ITCH: variants seen among roughly 807,000 people sequenced by gnomAD.
ITCH encodes the protein itchy E3 ubiquitin protein ligase.
ITCH carries 28 observed loss-of-function variants against 126.8 expected under a neutral mutation model. The ratio of observed to expected loss-of-function variants is 0.22; its 90% CI spans 0.16 to 0.30. ITCH has a LOEUF of 0.30. ITCH is among the 10% of genes least tolerant of loss of function. The pLI is 1.00. For synonymous variants in ITCH, 342 were observed against 340.0 expected (o/e 1.01, Z -0.06); for missense variants, 631 against 1,032.4 (o/e 0.61, Z 5.33).
chr20:34,462,355 A>G lies in ITCH; in HGVS notation c.1424+134A>G. On this transcript the variant is annotated intron_variant, in intron 14 of 24. Transcript: ENST00000374864. ...CTTGACAATAGGTTTCTGTTCATTA[A>G]GTATTTTGCATTTCCATCTCCCTCT... The G allele has an allele frequency of 4.4e-6, 4 of 899,324 alleles. No homozygotes were observed. In the South Asian group the frequency reaches 6.0e-5, roughly 13 times the overall value. 55.7% of individuals were successfully genotyped at this position (899,324 alleles called of 1,614,324 possible). A position where few individuals can be genotyped will look rare whatever the true frequency, so the allele number is the denominator to read the frequency against.
intron 24 of ITCH, among the ~76,000 whole-genome samples, chr20:34,505,957 G>A (rs1990595275): frequency 6.6e-6 from 1 of 152,068 alleles, no homozygotes; most frequent in Admixed American, 6.5e-5. Flanking sequence ...AAAATTAATT[G>A]TTGGGTTTAA....
At chr20:34,448,130 C>T (rs924573172) in intron 11 of ITCH, among the ~76,000 whole-genome samples, 21 of 152,182 alleles carry the variant, frequency 1.4e-4, no homozygotes, top group African/African-American at 4.8e-4. Context: ...TGGCTCACAC[C>T]TGTACTCCCA....
intron 7 of ITCH, among the ~76,000 whole-genome samples, chr20:34,430,126 A>G (rs768520378): frequency 9.9e-5 from 15 of 152,220 alleles, no homozygotes; most frequent in Non-Finnish European, 1.5e-4. Context: ...CAACATGTCT[A>G]TTCTTCCTTC....
intron 13 of ITCH, among the ~76,000 whole-genome samples, chr20:34,461,573 G>A (rs1003071246): frequency 2.6e-5 from 4 of 152,114 alleles, no homozygotes; most frequent in African/African-American, 9.7e-5. Flanking sequence ...GCTGGGCGTG[G>A]GCGTGGTGGC....
intron 12 of ITCH, among the ~76,000 whole-genome samples, chr20:34,457,160 CATTATAAAGTACGTCTACTTAGCTTCTA>C (rs775377637): frequency 2.0e-5 from 3 of 152,076 alleles, no homozygotes; most frequent in African/African-American, 4.8e-5. Context: ...ATGGTTAGGA[CATTATAAAGTACGTCTACTTAGCTTCTA>C]AGATGTAATA....
intron 3 of ITCH, among the ~76,000 whole-genome samples, chr20:34,399,275 C>G (rs930441373): frequency 6.6e-6 from 1 of 152,006 alleles, no homozygotes; most frequent in Non-Finnish European, 1.5e-5. Flanking sequence ...GCCTGTAATT[C>G]CAGCTACTCG....
chr20:34,428,832 T>A (rs763895490), intron 7 of ITCH, among the ~76,000 whole-genome samples: 8 of 152,374 alleles, frequency 5.3e-5, no homozygotes, highest in Middle Eastern at 3.4e-3. Flanking sequence ...TGAACTTATT[T>A]ATAGGTCAGA....
intron 2 of ITCH, among the ~76,000 whole-genome samples, chr20:34,369,974 G>A (rs572880824): frequency 2.8e-4 from 43 of 152,006 alleles, no homozygotes; most frequent in Admixed American, 1.2e-3. Context: ...GTGTGGTGGC[G>A]TGTACCTGTA....
At chr20:34,493,580 A>C (rs1208843451) in intron 23 of ITCH, among the ~76,000 whole-genome samples, 1 of 152,226 alleles carries the variant, frequency 6.6e-6, no homozygotes, top group Non-Finnish European at 1.5e-5. Context: ...GCTTAATAGA[A>C]AATGAAGTAT....
At chr20:34,399,850 G>C (rs1371872530) in intron 3 of ITCH, among the ~76,000 whole-genome samples, 4 of 151,950 alleles carry the variant, frequency 2.6e-5, no homozygotes, top group Admixed American at 2.6e-4. Context: ...TAACCTCCTG[G>C]GCTGAAGCAA....
chr20:34,453,309 T>C (rs1985476134), intron 12 of ITCH, among the ~76,000 whole-genome samples: 2 of 152,216 alleles, frequency 1.3e-5, no homozygotes, highest in South Asian at 2.1e-4. Context: ...ATCTGAACTT[T>C]GCTGACAGAT....
At chr20:34,398,054 A>G (rs563365701) in intron 3 of ITCH, among the ~76,000 whole-genome samples, 86 of 150,794 alleles carry the variant, frequency 5.7e-4, no homozygotes, top group African/African-American at 2.1e-3. Flanking sequence ...GTCGTAATCC[A>G]TAGCCATCTC....
intron 2 of ITCH, among the ~76,000 whole-genome samples, chr20:34,376,957 C>G (rs930470808): frequency 6.6e-6 from 1 of 152,178 alleles, no homozygotes; most frequent in Admixed American, 6.5e-5. Context: ...ATACTGTGTA[C>G]AGGCTATATT....
intron 16 of ITCH, 64 bp from the exon 17 acceptor site, chr20:34,477,707 CT>C (rs1988366671): frequency 6.8e-7 from 1 of 1,466,064 alleles, no homozygotes; most frequent in Admixed American, 1.7e-5. Context: ...GATGTCAAAC[CT>C]AGAAGTGGTA....
chr20:34,375,696 A>ATTTTTTTTTTTTTTTTTTTTTTTT (rs5841171), intron 2 of ITCH, among the ~76,000 whole-genome samples: 3 of 65,554 alleles, frequency 4.6e-5, no homozygotes, highest in Admixed American at 4.5e-4. Flanking sequence ...GGTAGTTAAA[A>ATTTTTTTTTTTTTTTTTTTTTTTT]TTTTTTTTTT....
At chr20:34,417,625 C>A (rs1036891965) in intron 6 of ITCH, among the ~76,000 whole-genome samples, 1 of 151,196 alleles carries the variant, frequency 6.6e-6, no homozygotes, top group African/African-American at 2.4e-5. Context: ...GTGTCGAACT[C>A]CGGACCTCAG....
At chr20:34,495,906 C>G (rs1180971326) in intron 23 of ITCH, among the ~76,000 whole-genome samples, 1 of 134,356 alleles carries the variant, frequency 7.4e-6, no homozygotes, top group Non-Finnish European at 1.5e-5. Context: ...GAAACCCTGT[C>G]TCTACTGAAA....
intron 23 of ITCH, among the ~76,000 whole-genome samples, chr20:34,502,361 T>G (rs569295500): frequency 2.5e-4 from 38 of 151,248 alleles, no homozygotes; most frequent in Middle Eastern, 3.4e-3. Flanking sequence ...GCCACTGCAC[T>G]TAAGCATGGG....
intron 22 of ITCH, among the ~76,000 whole-genome samples, chr20:34,490,154 G>A (rs866454199): frequency 9.2e-5 from 14 of 152,120 alleles, no homozygotes; most frequent in African/African-American, 3.1e-4. Context: ...AAGACAATTC[G>A]AGATGATAAA....
Sources: allele counts gnomAD v4.1 joint callset (sites outside exome capture counted in the v4.1 genomes callset), GRCh38; gene constraint gnomAD v4.1.1; transcripts MANE v1.5; gene names NCBI Gene and HGNC (gene_info 2026-07-23, HGNC 2026-07-21).